ATP2B2: variants seen among roughly 807,000 people sequenced by gnomAD.
The protein encoded by ATP2B2 is ATPase plasma membrane Ca2+ transporting 2, also known as plasma membrane calcium-transporting ATPase 2.
In ATP2B2, 15 loss-of-function variants were observed where a neutral mutation model predicts 120.0. The observed-to-expected ratio is 0.12, with a 90% CI of 0.08 to 0.19. ATP2B2 has a LOEUF of 0.19. ATP2B2 is among the 10% of genes least tolerant of loss of function. ATP2B2 has a pLI of 1.00. For synonymous variants in ATP2B2, 694 were observed against 700.3 expected, an observed-to-expected ratio of 0.99 and a Z score of 0.14; for missense variants, 1,045 against 1,719.8, an observed-to-expected ratio of 0.61 and a Z score of 6.94.
chr3:10,649,261 C>T (rs1331052583), intron 1 of ATP2B2, among the ~76,000 whole-genome samples: 2 of 152,214 alleles, frequency 1.3e-5, no homozygotes, highest in Non-Finnish European at 2.9e-5. Flanking sequence ...TTCAGTCATA[C>T]TCACCACATT....
chr3:10,601,394 G>C (rs2068916321), intron 2 of ATP2B2, among the ~76,000 whole-genome samples: 1 of 152,174 alleles, frequency 6.6e-6, no homozygotes, highest in African/African-American at 2.4e-5. Context: ...CCTGAGTGGA[G>C]GAATAACACG....
chr3:10,509,600 C>T (rs12639193), upstream of ATP2B2, among the ~76,000 whole-genome samples: 21,610 of 152,208 alleles, frequency 0.14, 2,698 homozygotes, highest in African/African-American at 0.33. Context: ...CCCTAGGCCC[C>T]TCTCTCTGCG....
chr3:10,568,325 A>G (rs899618984), intron 2 of ATP2B2, among the ~76,000 whole-genome samples: 1 of 152,164 alleles, frequency 6.6e-6, no homozygotes, highest in Non-Finnish European at 1.5e-5. Context: ...CCACAACCAT[A>G]CACCAAAGCC....
chr3:10,368,997 C>T (rs77939847), intron 12 of ATP2B2, among the ~76,000 whole-genome samples: 1 of 152,184 alleles, frequency 6.6e-6, no homozygotes, highest in Non-Finnish European at 1.5e-5. Context: ...AAGCCCACAG[C>T]CTGGCATCAG....
At chr3:10,530,493 C>CGAGT (rs2067189048) in intron 3 of ATP2B2, among the ~76,000 whole-genome samples, 1 of 152,194 alleles carries the variant, frequency 6.6e-6, no homozygotes, top group South Asian at 2.1e-4. Context: ...CTGGCTCTGA[C>CGAGT]GAGTGGTTAC....
chr3:10,422,327 AT>A (rs1312168417), intron 2 of ATP2B2, among the ~76,000 whole-genome samples: 1 of 152,152 alleles, frequency 6.6e-6, no homozygotes, highest in Non-Finnish European at 1.5e-5. Flanking sequence ...CTGCTGTGAT[AT>A]CGGTCTGTAT....
At chr3:10,552,644 T>C (rs753411044) in intron 2 of ATP2B2, among the ~76,000 whole-genome samples, 4 of 152,212 alleles carry the variant, frequency 2.6e-5, no homozygotes, top group Non-Finnish European at 5.9e-5. Context: ...TCTTATCTCC[T>C]CTTACAAATG....
At chr3:10,459,495 CCT>C (rs2064396426) in intron 1 of ATP2B2, among the ~76,000 whole-genome samples, 2 of 151,882 alleles carry the variant, frequency 1.3e-5, no homozygotes, top group Non-Finnish European at 2.9e-5. Flanking sequence ...ATCCCACCAT[CCT>C]CTCTTGCACT....
chr3:10,328,546 A>C lies in ATP2B2; in HGVS notation c.*268T>G. 1 of 409,104 alleles carries C rather than the reference A, an allele frequency of 2.4e-6. No individual in the cohort carries two copies. The highest frequency in any genetic ancestry group is 4.4e-6 in the Non-Finnish European group (1 of 226,714). The allele number at this position is 409,104 out of a possible 1,614,324, so 25.3% of individuals were successfully genotyped here. On this transcript the variant is annotated 3_prime_UTR_variant, in exon 23 of 23. Transcript: ENST00000360273. ...GCTGGTCCATGTCTGGGTGGGAGCC[A>C]GGAAGGGCTTGTTTTGGGAAAACCG...
intron 1 of ATP2B2, among the ~76,000 whole-genome samples, chr3:10,485,556 C>A (rs2065611806): frequency 6.6e-6 from 1 of 152,206 alleles, no homozygotes; most frequent in Non-Finnish European, 1.5e-5. Flanking sequence ...CCGTATGGAG[C>A]TTTCTAAAGC....
chr3:10,631,133 A>G (rs1336572137), intron 1 of ATP2B2, among the ~76,000 whole-genome samples: 1 of 152,216 alleles, frequency 6.6e-6, no homozygotes, highest in Non-Finnish European at 1.5e-5. Context: ...AAATCTGTAA[A>G]GTATCATCTA....
chr3:10,379,635 G>A (rs866062988), intron 8 of ATP2B2, among the ~76,000 whole-genome samples: 9 of 152,294 alleles, frequency 5.9e-5, no homozygotes, highest in Middle Eastern at 3.4e-3. Flanking sequence ...AAGCACTCAG[G>A]CCCCCACACC....
In ATP2B2 at chr3:10,378,232, C is replaced by T. The variant is rs1263086570; in HGVS notation, c.1201+20G>A. Reference sequence around the variant, plus strand: ...TCCCCCTGTGAGCCCTGTCCCCTGCCTCCCACCTGCTGCACTCACCCGCCT... The same window carrying T: ...TCCCCCTGTGAGCCCTGTCCCCTGCTTCCCACCTGCTGCACTCACCCGCCT... On this transcript the variant is annotated intron_variant, in intron 10 of 22. Coordinates refer to ENST00000360273, the MANE Select transcript of ATP2B2 (RefSeq NM_001001331.4). 6.2e-7 allele frequency: 1 copy of T among 1,602,324 alleles called. No individual in the cohort carries two copies. Among genetic ancestry groups the T allele is most frequent in the South Asian group, 1.1e-5 (1 of 90,988 alleles).
At chr3:10,678,378 G>A (rs1311892952) in intron 1 of ATP2B2, among the ~76,000 whole-genome samples, 3 of 152,192 alleles carry the variant, frequency 2.0e-5, no homozygotes, top group East Asian at 1.9e-4. Flanking sequence ...AGATGTGCCC[G>A]GCACTTCCCA....
chr3:10,639,632 G>A (rs2070117163), intron 1 of ATP2B2, among the ~76,000 whole-genome samples: 2 of 152,196 alleles, frequency 1.3e-5, no homozygotes, highest in East Asian at 3.9e-4. Context: ...CAAACATTCA[G>A]ACCCTAGCAG....
chr3:10,532,353 G>C (rs946172007), intron 3 of ATP2B2, among the ~76,000 whole-genome samples: 32 of 152,126 alleles, frequency 2.1e-4, no homozygotes, highest in African/African-American at 7.5e-4. Flanking sequence ...CCCTGGCTTC[G>C]AGCATCCTTT....
At position 10,683,760 on chromosome 3, in the gene ATP2B2, G is replaced by GTATATA. The variant is rs71055831; in HGVS notation, c.-460+24149_-460+24154dup. On this transcript the variant is annotated intron_variant, in intron 1 of 21. Transcript: ENST00000646379. The stretch of plus-strand genomic sequence containing the variant: ...TATGTGTATATATATGTGTGTGTGT[G>GTATATA]TATATATATATATATATATATATAT... 3.4e-3 allele frequency among the ~76,000 whole-genome samples: 182 copies of GTATATA among 53,806 alleles called. 6 individuals are homozygous for GTATATA. Among genetic ancestry groups the GTATATA allele is most frequent in the Non-Finnish European group, 5.3e-3 (138 of 26,106 alleles). The allele number at this position is 53,806 out of a possible 152,430, so 35.3% of individuals were successfully genotyped here.
At chr3:10,557,212 G>T (rs950488267) in intron 2 of ATP2B2, among the ~76,000 whole-genome samples, 25 of 152,332 alleles carry the variant, frequency 1.6e-4, no homozygotes, top group Non-Finnish European at 2.9e-4. Flanking sequence ...GTTCTGGAAG[G>T]CACAGTTCCA....
chr3:10,476,419 C>T (rs146140343), intron 1 of ATP2B2, among the ~76,000 whole-genome samples: 4 of 152,296 alleles, frequency 2.6e-5, no homozygotes, highest in Admixed American at 6.5e-5. Context: ...CAATAAAGGC[C>T]GTGTAGAAAT....
Sources: allele counts gnomAD v4.1 joint callset (sites outside exome capture counted in the v4.1 genomes callset), GRCh38; gene constraint gnomAD v4.1.1; transcripts MANE v1.5; gene names NCBI Gene and HGNC (gene_info 2026-07-23, HGNC 2026-07-21).